The following SVOPL variants were observed in gnomAD, a reference collection of about 807,000 sequenced individuals.
SVOPL encodes the protein putative transporter SVOPL.
SVOPL carries 60 observed loss-of-function variants against 61.0 expected under a neutral mutation model. The ratio of observed to expected loss-of-function variants is 0.98; its 90% CI spans 0.80 to 1.22. The LOEUF is 1.22. Ranked by LOEUF, SVOPL falls within the 50% of genes most tolerant of loss-of-function variation. The pLI is 0.00. For synonymous variants in SVOPL, 279 were observed against 250.0 expected, an observed-to-expected ratio of 1.12 and a Z score of -1.09; for missense variants, 662 against 643.9, an observed-to-expected ratio of 1.03 and a Z score of -0.30.
intron 9 of SVOPL, among the ~76,000 whole-genome samples, chr7:138,632,942 GT>G (rs1272265661): frequency 6.6e-6 from 1 of 152,062 alleles, no homozygotes; most frequent in African/African-American, 2.4e-5. Context: ...TGTTTTTACT[GT>G]TTACACTATT....
chr7:138,637,465 T>TATATATAG (rs1800539166), intron 9 of SVOPL, among the ~76,000 whole-genome samples: 1 of 13,606 alleles, frequency 7.3e-5, no homozygotes, highest in Non-Finnish European at 1.5e-4. Context: ...GATATATATA[T>TATATATAG]ATAGATATAG....
In SVOPL at chr7:138,618,194, T is replaced by C. The variant is rs563072988; in HGVS notation, c.1353+2852A>G. ...AGTTAAATTATTGAGAAGTATCCAT[T>C]GGAATAGCGTTTCACCTTGACCGTT... is the stretch of plus-strand genomic sequence containing the variant. On this transcript the variant is annotated intron_variant, in intron 14 of 15. Transcript: ENST00000674285. Among the ~76,000 whole-genome samples the C allele has an allele frequency of 1.5e-3, 234 of 152,370 alleles. 1 individual carries two copies. The highest frequency in any genetic ancestry group is 5.6e-3 in the African/African-American group (231 of 41,588).
chr7:138,676,973 A>G (rs1443715434), intron 3 of SVOPL, among the ~76,000 whole-genome samples: 11 of 135,758 alleles, frequency 8.1e-5, no homozygotes, highest in African/African-American at 3.1e-4. Context: ...GCACTATCGC[A>G]GCTCACTGCA....
Position 138,678,952 on chromosome 7 carries a change from T to C in SVOPL, c.82+12A>G. 1 of 1,551,080 alleles carries C rather than the reference T, an allele frequency of 6.4e-7. No homozygotes were observed. The highest frequency in any genetic ancestry group is 8.7e-7 in the Non-Finnish European group (1 of 1,146,644). On this transcript the variant is annotated intron_variant, in intron 2 of 15. Coordinates refer to ENST00000674285, the MANE Select transcript of SVOPL (RefSeq NM_001139456.2). The stretch of plus-strand genomic sequence containing the variant: ...CAGCAGGTTGAGCTGGAGACTTCTA[T>C]GATAATCTCACCTTTAACCTGTGGC...
In SVOPL at chr7:138,659,891, C is replaced by T. The variant is rs1267447364; in HGVS notation, c.443G>A (p.Gly148Asp). ...IWFVFLRTMV[G>D]CGVSGHSQGL... ...TTGCGAGTGGCCGGACACACCACAG[C>T]CCACCATCGTCCGCAGGAAGACAAA... The change falls in exon 6 of 16, where the codon GGC (glycine) becomes GAC (aspartate). Residue 148 changes from glycine to aspartate, a missense_variant. Coordinates refer to ENST00000674285, the MANE Select transcript of SVOPL (RefSeq NM_001139456.2). The T allele has an allele frequency of 1.3e-6, 2 of 1,551,492 alleles. No individual in the cohort carries two copies. Among genetic ancestry groups the T allele is most frequent in the Non-Finnish European group, 1.7e-6 (2 of 1,146,978 alleles).
At chr7:138,689,140 A>T in intron 1 of SVOPL, 1 of 894,416 alleles carries the variant, frequency 1.1e-6, no homozygotes, top group Non-Finnish European at 1.9e-6. Flanking sequence ...GTCACTTTAC[A>T]GAAATAGTGC....
In SVOPL at chr7:138,613,183, C is replaced by G. The variant is rs974055856; in HGVS notation, c.1353+7863G>C. On this transcript the variant is annotated intron_variant, in intron 14 of 15. Coordinates refer to ENST00000674285, the MANE Select transcript of SVOPL (RefSeq NM_001139456.2). ...TACAGACGCGTGCCACCACGCCTGG[C>G]TAATTTTTGTATTTTTAGTAGAGAT... is the stretch of plus-strand genomic sequence containing the variant. Among the ~76,000 whole-genome samples the G allele has an allele frequency of 2.6e-5, 4 of 151,820 alleles. No homozygotes were observed. The South Asian group carries it at 8.4e-4, about 32-fold the overall frequency.
chr7:138,596,554 C>A, intron 14 of SVOPL, 24 bp from the exon 15 acceptor site: 2 of 1,610,658 alleles, frequency 1.2e-6, no homozygotes, highest in South Asian at 2.2e-5. Flanking sequence ...GAGAATTACT[C>A]AATTTATTAT....
chr7:138,694,476 C>A (rs1319667657), intron 1 of SVOPL, among the ~76,000 whole-genome samples: 1 of 152,006 alleles, frequency 6.6e-6, no homozygotes, highest in African/African-American at 2.4e-5. Flanking sequence ...GAACTCCTGA[C>A]CTCAGGTGAT....
At chr7:138,671,912 A>T in intron 4 of SVOPL, 107 bp downstream of exon 4, 1 of 959,692 alleles carries the variant, frequency 1.0e-6, no homozygotes, top group South Asian at 1.6e-5. Context: ...TTGGAAGCCA[A>T]CAGTGGCAGT....
At chr7:138,631,994 C>CACACACACACACACACACA in intron 9 of SVOPL, among the ~76,000 whole-genome samples, 1 of 105,264 alleles carries the variant, frequency 9.5e-6, no homozygotes, top group Non-Finnish European at 1.9e-5. Flanking sequence ...ATACACACAC[C>CACACACACACACACACACA]CCTACACCCC....
At chr7:138,627,250 G>T in intron 12 of SVOPL, 100 bp downstream of exon 12, 1 of 849,374 alleles carries the variant, frequency 1.2e-6, no homozygotes, top group Non-Finnish European at 1.9e-6. Context: ...TACTCTCCTG[G>T]GTGAAAGTGA....
At chr7:138,601,536 C>T (rs892674266) in intron 14 of SVOPL, among the ~76,000 whole-genome samples, 1 of 151,240 alleles carries the variant, frequency 6.6e-6, no homozygotes, top group African/African-American at 2.4e-5. Context: ...TGCATGCTCT[C>T]TCTTATATGT....
intron 14 of SVOPL, among the ~76,000 whole-genome samples, chr7:138,611,863 C>G (rs1263743151): frequency 2.5e-5 from 2 of 78,926 alleles, no homozygotes; most frequent in African/African-American, 4.3e-5. Flanking sequence ...AGATTGCAGC[C>G]TCTGCCCGGC....
At chr7:138,657,712 A>C (rs1240326245) in intron 6 of SVOPL, among the ~76,000 whole-genome samples, 1 of 152,110 alleles carries the variant, frequency 6.6e-6, no homozygotes, top group Non-Finnish European at 1.5e-5. Flanking sequence ...CTACTCCTTT[A>C]GGGCTCCAAA....
chr7:138,621,864 A>G (rs1799593549), intron 13 of SVOPL, among the ~76,000 whole-genome samples: 3 of 143,520 alleles, frequency 2.1e-5, no homozygotes, highest in African/African-American at 5.3e-5. Context: ...CTATCTATCT[A>G]TCTATCTATC....
At chr7:138,644,398 A>T (rs1241856114) in intron 9 of SVOPL, among the ~76,000 whole-genome samples, 1 of 152,126 alleles carries the variant, frequency 6.6e-6, no homozygotes, top group East Asian at 1.9e-4. Context: ...TAACCTTCCT[A>T]ACAAAATAAA....
chr7:138,652,138 GC>G (rs1801471028), intron 7 of SVOPL, among the ~76,000 whole-genome samples: 1 of 151,776 alleles, frequency 6.6e-6, no homozygotes, highest in African/African-American at 2.4e-5. Context: ...TGCAACTTCT[GC>G]CCCCCAGGTT....
intron 14 of SVOPL, among the ~76,000 whole-genome samples, chr7:138,616,339 A>AC (rs1168414080): frequency 5.9e-5 from 2 of 33,972 alleles, no homozygotes; most frequent in Non-Finnish European, 1.0e-4. Context: ...AATCTTTAAT[A>AC]CTTTTTTTTT....
Sources: gnomAD v4.1 joint callset for allele counts (sites outside exome capture counted in the v4.1 genomes callset) on GRCh38, gnomAD v4.1.1 for gene constraint, MANE v1.5 for transcripts, NCBI Gene and HGNC (gene_info 2026-07-23, HGNC 2026-07-21) for gene names.